Variants in GOLGA2 observed in about 807,000 individuals in gnomAD.
GOLGA2 encodes the protein golgin A2.
Under a neutral mutation model 148.8 loss-of-function variants are expected in GOLGA2, and 49 were observed. The observed-to-expected ratio is 0.33, with a 90% CI of 0.26 to 0.42. The LOEUF (loss-of-function observed/expected upper bound fraction) is 0.42. GOLGA2 is among the 10% of genes least tolerant of loss of function. GOLGA2 has a pLI of 1.00. For synonymous variants in GOLGA2, 501 were observed against 511.8 expected (o/e 0.98, Z 0.28); for missense variants, 1,178 against 1,304.6 (o/e 0.90, Z 1.49).
intron 6 of GOLGA2, 32 bp downstream of exon 6, chr9:128,267,902 C>T (rs201051541): frequency 4.5e-5 from 69 of 1,525,524 alleles, no homozygotes; most frequent in Non-Finnish European, 6.0e-5. Flanking sequence ...CCCTTCCCCC[C>T]ACCCCGCTCT....
In GOLGA2 at chr9:128,266,910, C is replaced by T. The variant is rs552882542; in HGVS notation, c.642+284G>A. On this transcript the variant is annotated intron_variant, in intron 8 of 26. Coordinates refer to ENST00000611957, the MANE Select transcript of GOLGA2 (RefSeq NM_001366244.2). This position sits in a 1 kb window ranked among gnomAD's most constrained non-coding sequence, Gnocchi z 4.2. ...GGCAGAAATACAGGGCTCCTGACAA[C>T]CAGTCAGGCTAGCGCTTCCCCAAGA... 2.8e-5 allele frequency: 15 copies of T among 529,520 alleles called. No individual in the cohort carries two copies. In the East Asian group the frequency reaches 4.7e-4, roughly 17 times the overall value. The allele number at this position is 529,520 out of a possible 1,614,324, so 32.8% of individuals were successfully genotyped here.
intron 1 of GOLGA2, 42 bp from the exon 2 acceptor site, chr9:128,274,014 C>A (rs1238377007): frequency 6.3e-7 from 1 of 1,591,486 alleles, no homozygotes; most frequent in African/African-American, 1.3e-5. Context: ...GATCTACAAG[C>A]CCCCACAGTT....
rs1482540672 is a variant in GOLGA2 at position 128,258,046 on chromosome 9, C to T, written c.2442G>A (p.Gly814=). The T allele has an allele frequency of 2.5e-6, 4 of 1,612,106 alleles. No homozygotes were observed. Among genetic ancestry groups the T allele is most frequent in the Non-Finnish European group, 3.4e-6 (4 of 1,179,672 alleles). Residue 814 remains glycine (G), a synonymous_variant, in exon 23 of 27, where the codon GGG becomes GGA. Coordinates refer to ENST00000611957, the MANE Select transcript of GOLGA2 (RefSeq NM_001366244.2). This position sits in a 1 kb window ranked among gnomAD's most constrained non-coding sequence, Gnocchi z 6.6. ...CCCCACACACAGAATCACCCCCGGT[C>T]CCTGGGGCTGGGGCTGCTGCCTCAG... The part of the protein sequence containing the change: ...KEPEAAAPAP[G]TGGDSVCGET...
rs1372173943 is a variant in GOLGA2 at position 128,266,969 on chromosome 9, C to T, written c.642+225G>A. 3.3e-6 allele frequency: 2 copies of T among 604,792 alleles called. No individual in the cohort carries two copies. The highest frequency in any genetic ancestry group is 3.0e-5 in the Admixed American group (1 of 33,598). The allele number at this position is 604,792 out of a possible 1,614,324, so 37.5% of individuals were successfully genotyped here. The stretch of plus-strand genomic sequence containing the variant: ...CCCCAGGGCGTGTGTGGCAAGGACT[C>T]GAGCAGGGGTGTCTAGAGAAGAGAG... On this transcript the variant is annotated intron_variant, in intron 8 of 26. Coordinates refer to ENST00000611957, the MANE Select transcript of GOLGA2 (RefSeq NM_001366244.2). The surrounding 1 kb of genome is among the most constrained non-coding windows in gnomAD (Gnocchi z 4.2).
intron 12 of GOLGA2, 68 bp from the exon 13 acceptor site, chr9:128,263,160 A>C: frequency 4.6e-6 from 4 of 867,778 alleles, no homozygotes; most frequent in Non-Finnish European, 7.9e-6. Context: ...CAGTAACAAC[A>C]GCTACAGTAA....
Position 128,259,410 on chromosome 9 carries a change from C to T in GOLGA2, c.1873-19G>A, listed in dbSNP as rs1446766226. The T allele has an allele frequency of 7.3e-6, 11 of 1,504,640 alleles. No homozygotes were observed. Among genetic ancestry groups the T allele is most frequent in the Middle Eastern group, 4.6e-4 (2 of 4,340 alleles). The allele number at this position is 1,504,640 out of a possible 1,614,324, so 93.2% of individuals were successfully genotyped here. On this transcript the variant is annotated intron_variant, in intron 19 of 26. Coordinates refer to ENST00000611957, the MANE Select transcript of GOLGA2 (RefSeq NM_001366244.2). ...GCTCCACCTGTAGGAAGACCCTGGG[C>T]GTGAGGGCAGGTGGTGGCCTGCTTC...
intron 1 of GOLGA2, chr9:128,275,422 C>T (rs1013946637): frequency 5.4e-6 from 7 of 1,296,578 alleles, no homozygotes; most frequent in Middle Eastern, 2.0e-4. Context: ...GGGAGGGGAC[C>T]GCAGGGCCAG....
chr9:128,267,905 C>T (rs770214692), intron 6 of GOLGA2, 29 bp downstream of exon 6: 3 of 1,559,604 alleles, frequency 1.9e-6, no homozygotes, highest in African/African-American at 1.4e-5. Flanking sequence ...TTCCCCCCAC[C>T]CCGCTCTCGG....
At chr9:128,272,651 A>G (rs1469079827) in intron 3 of GOLGA2, 134 bp downstream of exon 3, 1 of 233,646 alleles carries the variant, frequency 4.3e-6, no homozygotes, top group African/African-American at 2.3e-5. Flanking sequence ...GAAGAAGCGG[A>G]CATAAACAGG....
rs751589015 is a variant in GOLGA2 at position 128,265,586 on chromosome 9, C to G, written c.932G>C (p.Arg311Thr). Reference protein sequence around the residue: ...AVSTQQKKADRYNKELTKERD... With the variant: ...AVSTQQKKADTYNKELTKERD... ...GACGGGGCAGGCAGTTGGACTCACC[C>G]TGTCTGCCTTCTTCTGCTGCGTGGA... The change falls in exon 12 of 27, where the codon AGG becomes ACG. Residue 311 changes from arginine to threonine, a missense_variant and splice_region_variant. Transcript: ENST00000611957. 1 of 1,609,364 alleles carries G rather than the reference C, an allele frequency of 6.2e-7. No individual in the cohort carries two copies. The highest frequency in any genetic ancestry group is 8.5e-7 in the Non-Finnish European group (1 of 1,176,012).
intron 13 of GOLGA2, 83 bp from the exon 14 acceptor site, chr9:128,262,787 C>T (rs1397782089): frequency 7.5e-7 from 1 of 1,332,078 alleles, no homozygotes; most frequent in East Asian, 2.3e-5. Flanking sequence ...CCTTGCCCCA[C>T]AACCACAGAA....
At chr9:128,272,521 C>A (rs1588492700) in intron 3 of GOLGA2, among the ~76,000 whole-genome samples, 1 of 151,940 alleles carries the variant, frequency 6.6e-6, no homozygotes, top group Non-Finnish European at 1.5e-5. Context: ...ATCCCACACA[C>A]CTGCTCTAAA....
rs2131328927 is a variant in GOLGA2 at position 128,257,857 on chromosome 9, G to T, written c.2544C>A (p.Asp848Glu). The change falls in exon 24 of 27, where the codon GAC (aspartate) becomes GAA (glutamate). Residue 848 changes from aspartate (D) to glutamate (E), a missense_variant. This residue lies in a region of GOLGA2 where 529 missense variants were observed against 521.8 expected (regional missense o/e 1.01). Transcript: ENST00000611957. The surrounding 1 kb of genome is among the most constrained non-coding windows in gnomAD (Gnocchi z 8.0). ...RFMELMQEKA[D>E]LKERVEELEH... ...CCAGTTCCTCTACCCTCTCCTTCAG[G>T]TCTGCCTTCTCCTGCATGAGCTCCA... The T allele has an allele frequency of 6.2e-7, 1 of 1,613,984 alleles. No individual in the cohort carries two copies. The highest frequency in any genetic ancestry group is 8.5e-7 in the Non-Finnish European group (1 of 1,179,990).
rs138267872 is a variant in GOLGA2, at chr9:128,273,017, C to T, written c.208-152G>A. 4.0e-3 allele frequency among the ~76,000 whole-genome samples: 615 copies of T among 152,346 alleles called. 3 individuals carry two copies. The highest frequency in any genetic ancestry group is 0.014 in the African/African-American group (563 of 41,586). On this transcript the variant is annotated intron_variant, in intron 2 of 26. Coordinates refer to ENST00000611957, the MANE Select transcript of GOLGA2 (RefSeq NM_001366244.2). Reference sequence around the variant, plus strand: ...AGATCAATACCATGGCCTGTGCCATCCTTCCAAATGGCCACCTGCTGCCTT... The same window carrying T: ...AGATCAATACCATGGCCTGTGCCATTCTTCCAAATGGCCACCTGCTGCCTT...
rs202015078 is a variant in GOLGA2, at chr9:128,266,336, G to A, written c.643-11C>T. 1.1e-4 allele frequency: 185 copies of A among 1,611,696 alleles called. No individual in the cohort carries two copies. The highest frequency in any genetic ancestry group is 1.5e-4 in the Non-Finnish European group (177 of 1,178,430). On this transcript the variant is annotated splice_polypyrimidine_tract_variant and intron_variant, in intron 8 of 26. Coordinates refer to ENST00000611957, the MANE Select transcript of GOLGA2 (RefSeq NM_001366244.2). This position sits in a 1 kb window ranked among gnomAD's most constrained non-coding sequence, Gnocchi z 4.2. The stretch of plus-strand genomic sequence containing the variant: ...TTGGTTCTGTTGTTTCTGTGGGGAA[G>A]AGTCAAAGGAAGGTGACTGAGGGTG...
chr9:128,263,944 CAG>C (rs1275396964), intron 12 of GOLGA2, among the ~76,000 whole-genome samples: 1 of 148,930 alleles, frequency 6.7e-6, no homozygotes, highest in African/African-American at 2.5e-5. Context: ...ATTACGAGAT[CAG>C]GGGATCGAGA....
At chr9:128,264,954 A>C (rs1830505852) in intron 12 of GOLGA2, among the ~76,000 whole-genome samples, 1 of 152,234 alleles carries the variant, frequency 6.6e-6, no homozygotes, top group Non-Finnish European at 1.5e-5. Context: ...TGCTTGCCTA[A>C]GATCACTTAG....
At chr9:128,265,474 C>T in intron 12 of GOLGA2, 111 bp downstream of exon 12, 1 of 840,040 alleles carries the variant, frequency 1.2e-6, no homozygotes, top group Non-Finnish European at 2.1e-6. Flanking sequence ...TGATAAATGG[C>T]CCATGCTGCC....
rs146729303 is a variant in GOLGA2, at chr9:128,264,160, G to A, written c.934-1068C>T. 8.2e-3 allele frequency among the ~76,000 whole-genome samples: 1,219 copies of A among 149,186 alleles called. 25 individuals carry two copies. Among genetic ancestry groups the A allele is most frequent in the African/African-American group, 0.029 (1,162 of 40,634 alleles). ...AGCCTGGGCAACAGAGTGAGACTCC[G>A]TCTCAAAAAAAAAGGACTTGGTAAG... is the stretch of plus-strand genomic sequence containing the variant. On this transcript the variant is annotated intron_variant, in intron 12 of 26. Transcript: ENST00000611957.
Sources: allele counts gnomAD v4.1 joint callset (sites outside exome capture counted in the v4.1 genomes callset), GRCh38; gene constraint gnomAD v4.1.1; regional missense constraint gnomAD v4.1.1; non-coding constraint Gnocchi (gnomAD v3.1); transcripts MANE v1.5; gene names NCBI Gene and HGNC (gene_info 2026-07-23, HGNC 2026-07-21).